CNBD1: variants seen among roughly 807,000 people sequenced by gnomAD.
CNBD1 encodes the protein cyclic nucleotide binding domain containing 1, also known as cyclic nucleotide-binding domain-containing protein 1.
In CNBD1, 71 loss-of-function variants were observed where a neutral mutation model predicts 54.4. The observed-to-expected ratio is 1.30, with a 90% CI of 1.08 to 1.59. The LOEUF is 1.59. Ranked by LOEUF, CNBD1 falls within the 40% of genes most tolerant of loss-of-function variation. The pLI is 0.00. For synonymous variants in CNBD1, 182 were observed against 170.7 expected (o/e 1.07, Z -0.51); for missense variants, 659 against 518.0 (o/e 1.27, Z -2.64).
rs1285303176 is a variant in CNBD1 at position 86,939,673 on chromosome 8, G to A, written c.350G>A (p.Arg117Lys). The A allele has an allele frequency of 1.2e-5, 20 of 1,602,010 alleles. No homozygotes were observed. Among genetic ancestry groups the A allele is most frequent in the Non-Finnish European group, 1.6e-5 (19 of 1,171,546 alleles). ...DSNNIAVHVQ[R>K]AHGGHILYRP... ...AACAATATAGCTGTCCATGTTCAGA[G>A]AGCACATGGTGGCCATATTTTATAT... Residue 117 changes from arginine (R) to lysine (K), a missense_variant, in exon 4 of 11, where the codon AGA becomes AAA. Physicochemically the swap from Arg to Lys is conservative, Grantham distance 26. Transcript: ENST00000518476.
At chr8:87,248,380 G>A (rs892474198) in intron 6 of CNBD1, among the ~76,000 whole-genome samples, 4 of 152,210 alleles carry the variant, frequency 2.6e-5, no homozygotes, top group Admixed American at 2.6e-4. Context: ...ACCTTCACCA[G>A]TAGTAAAAGA....
intron 4 of CNBD1, among the ~76,000 whole-genome samples, chr8:87,090,740 TA>T (rs1248468729): frequency 2.6e-5 from 4 of 152,252 alleles, no homozygotes; most frequent in African/African-American, 9.6e-5. Flanking sequence ...GTTTGTTACA[TA>T]TTTTTAAAAA....
At chr8:87,025,896 C>T (rs1285623380) in intron 4 of CNBD1, among the ~76,000 whole-genome samples, 2 of 152,118 alleles carry the variant, frequency 1.3e-5, no homozygotes, top group Admixed American at 6.5e-5. Context: ...CAATTCAGGA[C>T]ACAGGATGAA....
chr8:87,372,690 C>T (rs1810838409), intron 10 of CNBD1, among the ~76,000 whole-genome samples: 1 of 151,800 alleles, frequency 6.6e-6, no homozygotes, highest in Admixed American at 6.6e-5. Flanking sequence ...TTCTGATGCT[C>T]TTACCTATCA....
intron 10 of CNBD1, among the ~76,000 whole-genome samples, chr8:87,369,885 AC>A (rs1810733161): frequency 6.6e-6 from 1 of 151,264 alleles, no homozygotes; most frequent in Admixed American, 6.6e-5. Flanking sequence ...CACTCCCCCG[AC>A]CCCACAACAG....
intron 2 of CNBD1, among the ~76,000 whole-genome samples, chr8:87,424,644 C>T (rs1165851470): frequency 6.6e-6 from 1 of 151,350 alleles, no homozygotes; most frequent in Non-Finnish European, 1.5e-5. Context: ...GAGAGAGACC[C>T]TACAGAAGCT....
chr8:87,176,188 G>T (rs116822083), intron 4 of CNBD1, among the ~76,000 whole-genome samples: 3,028 of 152,258 alleles, frequency 0.02, 112 homozygotes, highest in African/African-American at 0.069. Context: ...GGTACTGTGA[G>T]TGCTCACCTG....
chr8:87,296,902 G>A (rs546683501), intron 8 of CNBD1, among the ~76,000 whole-genome samples: 2 of 151,928 alleles, frequency 1.3e-5, no homozygotes, highest in South Asian at 2.1e-4. Context: ...TAAGGCCAGC[G>A]TGGTGGCTCA....
rs116181764 is a variant in CNBD1, at chr8:87,381,121, T to G, written c.1304-1499T>G. On this transcript the variant is annotated intron_variant, in intron 10 of 10. Transcript: ENST00000518476. The stretch of plus-strand genomic sequence containing the variant: ...GCAACCTATAGAATGGGAGAAAATA[T>G]TTGCAAACCGTGCAACTGATAAAGG... Among the ~76,000 whole-genome samples the G allele has an allele frequency of 6.3e-3, 960 of 152,136 alleles. 9 individuals carry two copies. Among genetic ancestry groups the G allele is most frequent in the African/African-American group, 0.022 (900 of 41,546 alleles).
intron 8 of CNBD1, among the ~76,000 whole-genome samples, chr8:87,298,818 G>T (rs752629833): frequency 2.0e-5 from 3 of 152,200 alleles, no homozygotes; most frequent in Non-Finnish European, 4.4e-5. Flanking sequence ...TTGTCCAGAA[G>T]ATTGGGTAAG....
At chr8:87,247,738 C>T (rs1276874685) in intron 6 of CNBD1, among the ~76,000 whole-genome samples, 1 of 152,204 alleles carries the variant, frequency 6.6e-6, no homozygotes, top group Non-Finnish European at 1.5e-5. Context: ...GTTTGCTCTG[C>T]ATCCATTTCC....
At chr8:87,043,238 T>TG (rs1563447096) in intron 4 of CNBD1, among the ~76,000 whole-genome samples, 1 of 152,154 alleles carries the variant, frequency 6.6e-6, no homozygotes, top group Non-Finnish European at 1.5e-5. Flanking sequence ...TCAGAGCAAT[T>TG]GTTCATTTTT....
intron 2 of CNBD1, among the ~76,000 whole-genome samples, chr8:87,406,058 C>T (rs1256341053): frequency 6.6e-6 from 1 of 152,030 alleles, no homozygotes; most frequent in Non-Finnish European, 1.5e-5. Context: ...AAATATTTAT[C>T]AACCTAAAAC....
intron 8 of CNBD1, among the ~76,000 whole-genome samples, chr8:87,301,927 G>T (rs1045198966): frequency 1.3e-5 from 2 of 152,138 alleles, no homozygotes; most frequent in African/African-American, 4.8e-5. Context: ...ACCCGCCCAA[G>T]ATTAAACCAG....
intron 8 of CNBD1, among the ~76,000 whole-genome samples, chr8:87,343,428 G>C (rs1302225617): frequency 6.6e-6 from 1 of 152,148 alleles, no homozygotes; most frequent in East Asian, 1.9e-4. Context: ...ATTAATTTTG[G>C]GAACTAATAA....
intron 4 of CNBD1, among the ~76,000 whole-genome samples, chr8:87,014,062 G>T (rs1809299574): frequency 6.6e-6 from 1 of 151,522 alleles, no homozygotes; most frequent in Admixed American, 6.6e-5. Flanking sequence ...TTATGTGTGT[G>T]TATACAATAT....
At chr8:86,897,120 T>C (rs552111640) in intron 2 of CNBD1, among the ~76,000 whole-genome samples, 2 of 152,334 alleles carry the variant, frequency 1.3e-5, no homozygotes, top group African/African-American at 2.4e-5. Context: ...ATGTGACTTA[T>C]GCTCCAAAGG....
chr8:87,419,592 A>G (rs374851012), intron 2 of CNBD1, among the ~76,000 whole-genome samples: 7 of 152,066 alleles, frequency 4.6e-5, no homozygotes, highest in African/African-American at 1.7e-4. Flanking sequence ...ATAGCCCAAC[A>G]GTGGAGATCA....
At chr8:87,208,988 T>C (rs1369738261) in intron 5 of CNBD1, among the ~76,000 whole-genome samples, 1 of 152,136 alleles carries the variant, frequency 6.6e-6, no homozygotes, top group Non-Finnish European at 1.5e-5. Flanking sequence ...ACTAAAAATA[T>C]GGTAGCTAAA....
Sources: gnomAD v4.1 joint callset for allele counts (sites outside exome capture counted in the v4.1 genomes callset) on GRCh38, gnomAD v4.1.1 for gene constraint, MANE v1.5 for transcripts, NCBI Gene and HGNC (gene_info 2026-07-23, HGNC 2026-07-21) for gene names.